HAT1: variants seen among roughly 807,000 people sequenced by gnomAD.
HAT1 encodes histone acetyltransferase type B catalytic subunit.
HAT1 carries 20 observed loss-of-function variants against 56.6 expected under a neutral mutation model. The ratio of observed to expected loss-of-function variants is 0.35; its 90% CI spans 0.25 to 0.51. The LOEUF (loss-of-function observed/expected upper bound fraction) is 0.51, where lower values mean the gene tolerates loss of function less well. HAT1 is among the 20% of genes least tolerant of loss of function. HAT1 has a pLI of 0.95. For missense variants in HAT1, 408 were observed against 504.3 expected, an observed-to-expected ratio of 0.81 and a Z score of 1.83; for synonymous variants, 146 against 165.5, an observed-to-expected ratio of 0.88 and a Z score of 0.91.
At chr2:171,958,436 T>TA (rs915333008) in intron 4 of HAT1, among the ~76,000 whole-genome samples, 5 of 151,650 alleles carry the variant, frequency 3.3e-5, no homozygotes, top group Non-Finnish European at 2.9e-5. Flanking sequence ...TCCCCCTCAT[T>TA]AAAAAAAATA....
At chr2:171,979,097 G>A (rs1397066618) in intron 9 of HAT1, 150 bp from the exon 10 acceptor site, 6 of 587,324 alleles carry the variant, frequency 1.0e-5, no homozygotes, top group Non-Finnish European at 1.9e-5. Context: ...CCACTAGACT[G>A]CTTGAGGGCA....
rs1687667373 is a variant in HAT1, at chr2:171,965,680, T to TA, written c.490-105dup. 6.1e-6 allele frequency: 7 copies of TA among 1,150,210 alleles called. No individual in the cohort carries two copies. The Admixed American group carries it at 1.3e-4, about 21-fold the overall frequency. The allele number at this position is 1,150,210 out of a possible 1,614,324, so 71.3% of individuals were successfully genotyped here. On this transcript the variant is annotated intron_variant, in intron 5 of 10. Transcript: ENST00000264108. ...TATGTCTGTATCTATGTTCACATCT[T>TA]AATCTGAGACTTCTAAACATTTTCC... is the stretch of plus-strand genomic sequence containing the variant.
At chr2:171,947,884 C>T (rs759818567) in intron 3 of HAT1, among the ~76,000 whole-genome samples, 1 of 152,076 alleles carries the variant, frequency 6.6e-6, no homozygotes, top group Admixed American at 6.6e-5. Flanking sequence ...CTCAAAAAAA[C>T]AAAAACAAAA....
intron 1 of HAT1, chr2:171,923,035 G>C (rs1686482722): frequency 6.5e-6 from 1 of 153,816 alleles, no homozygotes; most frequent in Non-Finnish European, 1.4e-5. Context: ...TCGTTAATCT[G>C]TCACACTTTA....
Position 171,966,526 on chromosome 2 carries a change from A to G in HAT1, c.716+13A>G. 9.1e-7 allele frequency: 1 copy of G among 1,101,888 alleles called. No individual in the cohort carries two copies. The highest frequency in any genetic ancestry group is 1.4e-6 in the Non-Finnish European group (1 of 712,102). The allele number at this position is 1,101,888 out of a possible 1,614,324, so 68.3% of individuals were successfully genotyped here. On this transcript the variant is annotated intron_variant, in intron 7 of 10. Transcript: ENST00000264108. ...GGCCACGTGTAAGGTAATTGGCAGT[A>G]TAACACGTGCCTTGTCTTTTATTTC...
chr2:171,942,663 A>G (rs1000523387), intron 2 of HAT1, among the ~76,000 whole-genome samples: 4 of 152,178 alleles, frequency 2.6e-5, no homozygotes, highest in African/African-American at 7.2e-5. Context: ...TATCCTGGAG[A>G]AAGTTCACAT....
At chr2:171,981,791 G>A (rs1404307929) in intron 10 of HAT1, among the ~76,000 whole-genome samples, 1 of 152,100 alleles carries the variant, frequency 6.6e-6, no homozygotes, top group African/African-American at 2.4e-5. Flanking sequence ...GTTATCCAAA[G>A]TAGCATTTTA....
intron 3 of HAT1, among the ~76,000 whole-genome samples, chr2:171,948,843 G>T (rs528475486): frequency 6.6e-6 from 1 of 152,280 alleles, no homozygotes; most frequent in South Asian, 2.1e-4. Flanking sequence ...TGTCCTCAGT[G>T]TATCACATCA....
At chr2:171,977,782 T>A (rs964938387) in intron 9 of HAT1, among the ~76,000 whole-genome samples, 2 of 151,354 alleles carry the variant, frequency 1.3e-5, no homozygotes, top group Admixed American at 1.3e-4. Context: ...CTGTATTCCT[T>A]TACATATTCT....
intron 2 of HAT1, among the ~76,000 whole-genome samples, chr2:171,931,819 A>G (rs1008158222): frequency 3.3e-5 from 5 of 152,104 alleles, no homozygotes; most frequent in Admixed American, 1.3e-4. Context: ...CTTGTGTTTC[A>G]TTTTCTTGCC....
chr2:171,979,291 T>G lies in HAT1; in HGVS notation c.1020T>G (p.Thr340=). The change falls in exon 10 of 11, where the codon ACT becomes ACG. Residue 340 remains threonine, a synonymous_variant. Coordinates refer to ENST00000264108, the MANE Select transcript of HAT1 (RefSeq NM_003642.4). ...ATGAAATTCTTCGACTACTGGTAAC[T>G]GACATGAGTGATGCCGAACAATACA... ...RVYEILRLLV[T]DMSDAEQYRS... is the part of the protein sequence containing the mutation. 2 of 1,603,496 alleles carry G rather than the reference T, an allele frequency of 1.2e-6. No homozygotes were observed. The highest frequency in any genetic ancestry group is 1.7e-6 in the Non-Finnish European group (2 of 1,174,064).
chr2:171,977,600 A>G (rs1688022776), intron 9 of HAT1, among the ~76,000 whole-genome samples: 1 of 118,882 alleles, frequency 8.4e-6, no homozygotes, highest in Non-Finnish European at 1.8e-5. Flanking sequence ...TCTTAAAAAA[A>G]GAATTCAAAC....
chr2:171,948,680 C>T (rs1410791048), intron 3 of HAT1, among the ~76,000 whole-genome samples: 2 of 152,182 alleles, frequency 1.3e-5, no homozygotes, highest in Non-Finnish European at 2.9e-5. Context: ...TAATCTGAAA[C>T]AGATCCTCAG....
intron 2 of HAT1, among the ~76,000 whole-genome samples, chr2:171,937,576 C>A (rs1306099966): frequency 2.0e-5 from 3 of 151,906 alleles, no homozygotes; most frequent in Non-Finnish European, 4.4e-5. Context: ...CAGGTTAAGT[C>A]AGAAAAACAA....
intron 2 of HAT1, among the ~76,000 whole-genome samples, chr2:171,928,576 G>A (rs1248498735): frequency 6.6e-6 from 1 of 152,110 alleles, no homozygotes; most frequent in Non-Finnish European, 1.5e-5. Context: ...TGGCATGATT[G>A]CGGCTCAATG....
At chr2:171,923,959 G>A (rs1368521490) in intron 1 of HAT1, 1 of 152,134 alleles carries the variant, frequency 6.6e-6, no homozygotes, top group African/African-American at 2.4e-5. Flanking sequence ...AGTAAATTCT[G>A]TAATCTCGGT....
chr2:171,965,401 G>A lies in HAT1; in HGVS notation c.373G>A (p.Asp125Asn). Reference protein sequence around the residue: ...IPPGFCTNTNDFLSLLEKEVD... With the variant: ...IPPGFCTNTNNFLSLLEKEVD... The stretch of plus-strand genomic sequence containing the variant: ...ACCTGGATTTTGCACAAACACGAAT[G>A]ATTTCCTTTCTTTACTGGAAAAGGA... Residue 125 changes from aspartate to asparagine, a missense_variant, in exon 5 of 11, where the codon GAT becomes AAT. Physicochemically the swap from Asp to Asn is conservative, Grantham distance 23. Coordinates refer to ENST00000264108, the MANE Select transcript of HAT1 (RefSeq NM_003642.4). 6.2e-7 allele frequency: 1 copy of A among 1,611,820 alleles called. No homozygotes were observed. Among genetic ancestry groups the A allele is most frequent in the Non-Finnish European group, 8.5e-7 (1 of 1,178,260 alleles).
intron 10 of HAT1, among the ~76,000 whole-genome samples, chr2:171,982,886 A>G (rs1447503912): frequency 4.6e-5 from 7 of 152,288 alleles, no homozygotes; most frequent in Middle Eastern, 3.4e-3. Flanking sequence ...TTGAGTGTCT[A>G]TACTGCCCAG....
At chr2:171,939,219 G>C (rs1686957549) in intron 2 of HAT1, among the ~76,000 whole-genome samples, 1 of 152,172 alleles carries the variant, frequency 6.6e-6, no homozygotes, top group Non-Finnish European at 1.5e-5. Flanking sequence ...AGCTGAGATA[G>C]GTGATCGTGC....
Sources: gnomAD v4.1 joint callset for allele counts (sites outside exome capture counted in the v4.1 genomes callset) on GRCh38, gnomAD v4.1.1 for gene constraint, MANE v1.5 for transcripts, NCBI Gene and HGNC (gene_info 2026-07-23, HGNC 2026-07-21) for gene names.